The following NFAM1 variants were observed in gnomAD, a reference collection of about 807,000 sequenced individuals.
The protein encoded by NFAM1 is NFAT activation molecule 1.
Under a neutral mutation model 29.0 loss-of-function variants are expected in NFAM1, and 17 were observed. That is an observed-to-expected ratio of 0.59 (90% CI 0.40 to 0.88). The LOEUF is 0.88. NFAM1 is among the 40% of genes least tolerant of loss of function. NFAM1 has a pLI of 0.00. For missense variants in NFAM1, 324 were observed against 344.6 expected, an observed-to-expected ratio of 0.94 and a Z score of 0.47; for synonymous variants, 175 against 147.2, an observed-to-expected ratio of 1.19 and a Z score of -1.36.
At chr22:42,398,163 T>C (rs931790554) in intron 3 of NFAM1, among the ~76,000 whole-genome samples, 26 of 152,080 alleles carry the variant, frequency 1.7e-4, no homozygotes, top group Non-Finnish European at 2.8e-4. Context: ...ACACAGGAAA[T>C]GGAAAAGGCC....
intron 5 of NFAM1, 55 bp from the exon 6 acceptor site, chr22:42,385,275 A>C: frequency 7.9e-7 from 1 of 1,267,152 alleles, no homozygotes; most frequent in Non-Finnish European, 1.2e-6. Context: ...AATGACCATT[A>C]AGAATGAACT....
chr22:42,403,362 G>A (rs1185485349), intron 3 of NFAM1, among the ~76,000 whole-genome samples: 1 of 152,206 alleles, frequency 6.6e-6, no homozygotes, highest in African/African-American at 2.4e-5. Flanking sequence ...CCAGCTAAGA[G>A]TTTAGCTTGC....
intron 3 of NFAM1, among the ~76,000 whole-genome samples, chr22:42,399,206 G>A (rs977551859): frequency 3.9e-5 from 6 of 151,952 alleles, no homozygotes; most frequent in Non-Finnish European, 7.4e-5. Context: ...TTTGGGACTC[G>A]GAGGCCGAGT....
intron 4 of NFAM1, among the ~76,000 whole-genome samples, chr22:42,389,288 G>A (rs1214859743): frequency 6.6e-6 from 1 of 152,178 alleles, no homozygotes; most frequent in Non-Finnish European, 1.5e-5. Context: ...TACAGTGGGG[G>A]AGTCGGGGAA....
chr22:42,435,404 A>G (rs1930915133), upstream of NFAM1, among the ~76,000 whole-genome samples: 1 of 149,484 alleles, frequency 6.7e-6, no homozygotes, highest in African/African-American at 2.5e-5. Context: ...CTGGAGTGCA[A>G]TGGCGCGATC....
intron 1 of NFAM1, among the ~76,000 whole-genome samples, chr22:42,418,035 C>T (rs192296868): frequency 1.8e-4 from 27 of 152,344 alleles, no homozygotes; most frequent in African/African-American, 6.5e-4. Flanking sequence ...TGGGGGGTGA[C>T]ACACCCTCCA....
intron 3 of NFAM1, among the ~76,000 whole-genome samples, chr22:42,400,751 G>A (rs1189843759): frequency 2.0e-5 from 3 of 152,214 alleles, no homozygotes; most frequent in African/African-American, 7.2e-5. Flanking sequence ...GCTTCTTGAG[G>A]GCACCGTCAC....
rs368903352 is a variant in NFAM1 at position 42,410,378 on chromosome 22, G to T, written c.452-831C>A. 7 of 360,818 alleles carry T rather than the reference G, an allele frequency of 1.9e-5. No individual in the cohort carries two copies. The East Asian group carries it at 3.2e-4, about 17-fold the overall frequency. The allele number at this position is 360,818 out of a possible 1,614,324, so 22.4% of individuals were successfully genotyped here. A position where few individuals can be genotyped will look rare whatever the true frequency, so the allele number is the denominator to read the frequency against. ...CTCCTTTGAGAATGTGATGAAAACT[G>T]GCTGGGTGTGCTGGCTCATGCCTGT... On this transcript the variant is annotated intron_variant, in intron 2 of 5. Coordinates refer to ENST00000329021, the MANE Select transcript of NFAM1 (RefSeq NM_145912.8).
chr22:42,434,693 A>G (rs904793812), upstream of NFAM1, among the ~76,000 whole-genome samples: 11 of 152,254 alleles, frequency 7.2e-5, no homozygotes, highest in African/African-American at 2.2e-4. Flanking sequence ...CTGTGCCCTC[A>G]GCCAGAGCTG....
chr22:42,415,621 A>G (rs867576052), intron 1 of NFAM1, among the ~76,000 whole-genome samples: 25 of 152,198 alleles, frequency 1.6e-4, no homozygotes, highest in African/African-American at 6.0e-4. Context: ...TCAATGGGGC[A>G]TCAGCACCCC....
At chr22:42,433,821 T>G (rs2146564835), upstream of NFAM1, among the ~76,000 whole-genome samples, 1 of 152,336 alleles carries the variant, frequency 6.6e-6, no homozygotes, top group African/African-American at 2.4e-5. Flanking sequence ...GCAGACCCGC[T>G]GCTTCACGCT....
At chr22:42,429,400 G>C (rs1930724485) in intron 1 of NFAM1, among the ~76,000 whole-genome samples, 1 of 152,144 alleles carries the variant, frequency 6.6e-6, no homozygotes, top group Admixed American at 6.5e-5. Context: ...GGGATCACCT[G>C]AGGTCAGGAG....
chr22:42,403,782 G>A (rs1929803683), intron 3 of NFAM1, among the ~76,000 whole-genome samples: 2 of 152,204 alleles, frequency 1.3e-5, no homozygotes, highest in South Asian at 2.1e-4. Flanking sequence ...TGGCCTTGAC[G>A]AAGAGATGGA....
chr22:42,396,439 A>G (rs1452440263), intron 4 of NFAM1, among the ~76,000 whole-genome samples: 3 of 152,178 alleles, frequency 2.0e-5, no homozygotes, highest in African/African-American at 7.2e-5. Flanking sequence ...CTTAGTATTT[A>G]TCCTGGAAGA....
At chr22:42,398,384 T>TATTATC (rs1491116270) in intron 3 of NFAM1, among the ~76,000 whole-genome samples, 2 of 94,378 alleles carry the variant, frequency 2.1e-5, no homozygotes, top group East Asian at 4.2e-4. Context: ...TGGTTTTATT[T>TATTATC]ATTATTATTA....
Position 42,409,380 on chromosome 22 carries a change from A to C in NFAM1, c.564+55T>G. 1 of 981,800 alleles carries C rather than the reference A, an allele frequency of 1.0e-6. No homozygotes were observed. The highest frequency in any genetic ancestry group is 1.5e-6 in the Non-Finnish European group (1 of 680,994). 60.8% of individuals were successfully genotyped at this position (981,800 alleles called of 1,614,324 possible). A position where few individuals can be genotyped will look rare whatever the true frequency, so the allele number is the denominator to read the frequency against. Reference sequence around the variant, plus strand: ...AACGCCCTGCAGAGGGCAGGCGGGCAGCCGGTGGCGTGTCGGGTGGAGGGG... The same window carrying C: ...AACGCCCTGCAGAGGGCAGGCGGGCCGCCGGTGGCGTGTCGGGTGGAGGGG... On this transcript the variant is annotated intron_variant, in intron 3 of 5. Coordinates refer to ENST00000329021, the MANE Select transcript of NFAM1 (RefSeq NM_145912.8). The surrounding 1 kb of genome is among the most constrained non-coding windows in gnomAD (Gnocchi z 4.9).
chr22:42,397,786 A>G (rs1475939904), intron 4 of NFAM1, 72 bp downstream of exon 4: 5 of 867,416 alleles, frequency 5.8e-6, no homozygotes, highest in Non-Finnish European at 1.0e-5. Context: ...TGAGCCAGAC[A>G]GACCCTGGTA....
At chr22:42,437,276 G>A (rs973069399), upstream of NFAM1, among the ~76,000 whole-genome samples, 2 of 151,512 alleles carry the variant, frequency 1.3e-5, no homozygotes, top group African/African-American at 4.9e-5. Flanking sequence ...CCAAGCAGCT[G>A]GGATTAAAGG....
intron 1 of NFAM1, among the ~76,000 whole-genome samples, chr22:42,422,397 G>A (rs1051053368): frequency 1.3e-4 from 20 of 151,850 alleles, no homozygotes; most frequent in African/African-American, 4.8e-4. Flanking sequence ...TCTGAGGTCA[G>A]TAGTTCGAGA....
Sources: gnomAD v4.1 joint callset for allele counts (sites outside exome capture counted in the v4.1 genomes callset) on GRCh38, gnomAD v4.1.1 for gene constraint, Gnocchi (gnomAD v3.1) non-coding constraint, MANE v1.5 for transcripts, NCBI Gene and HGNC (gene_info 2026-07-23, HGNC 2026-07-21) for gene names.